TMEM272: variants seen among roughly 807,000 people sequenced by gnomAD.
TMEM272 encodes transmembrane protein 272, also known as long intergenic non-protein coding RNA 282.
Under a neutral mutation model 3.7 loss-of-function variants are expected in TMEM272, and 8 were observed. The observed-to-expected ratio is 2.17, with a 90% CI of 1.27 to 3.91. TMEM272 has a LOEUF of 3.91. Ranked by LOEUF, TMEM272 falls within the 30% of genes most tolerant of loss-of-function variation. TMEM272 has a pLI of 0.00. For synonymous variants in TMEM272, 63 were observed against 39.8 expected, an observed-to-expected ratio of 1.58 and a Z score of -2.20; for missense variants, 166 against 91.5, an observed-to-expected ratio of 1.81 and a Z score of -3.32.
Position 51,826,637 on chromosome 13 carries a change from A to G in TMEM272, c.59-12T>C, listed in dbSNP as rs1457371071. 7 of 702,436 alleles carry G rather than the reference A, an allele frequency of 1.0e-5. No individual in the cohort carries two copies. Among genetic ancestry groups the G allele is most frequent in the Non-Finnish European group, 1.8e-5 (7 of 384,996 alleles). 43.5% of individuals were successfully genotyped at this position (702,436 alleles called of 1,614,324 possible). On this transcript the variant is annotated splice_polypyrimidine_tract_variant and intron_variant, in intron 2 of 4. Coordinates refer to ENST00000629372, the MANE Select transcript of TMEM272 (RefSeq NM_001351003.2). Reference sequence around the variant, plus strand: ...AACAACGAAGCAGGCTGCAAGGAGAAGAAGGGGCAGGCACTGGGTTAGAAA... The same window carrying G: ...AACAACGAAGCAGGCTGCAAGGAGAGGAAGGGGCAGGCACTGGGTTAGAAA...
chr13:51,890,128 T>C, the TMEM272 span, among the ~76,000 whole-genome samples: 1 of 152,166 alleles, frequency 6.6e-6, no homozygotes, highest in African/African-American at 2.4e-5. Context: ...AGTCCTCATC[T>C]TTGAGCACTC....
At chr13:51,852,676 G>T in the TMEM272 span, among the ~76,000 whole-genome samples, 1 of 152,044 alleles carries the variant, frequency 6.6e-6, no homozygotes. Flanking sequence ...TCAAGAGATC[G>T]AGACCATCCT....
intron 1 of TMEM272, among the ~76,000 whole-genome samples, chr13:51,842,130 A>G (rs1672947989): frequency 2.6e-5 from 4 of 152,244 alleles, no homozygotes; most frequent in Admixed American, 2.0e-4. Flanking sequence ...CATAAACACT[A>G]AACCACTGTG....
At chr13:51,821,252 G>C (rs905738563) in intron 4 of TMEM272, among the ~76,000 whole-genome samples, 4 of 152,122 alleles carry the variant, frequency 2.6e-5, no homozygotes, top group African/African-American at 9.7e-5. Context: ...GTGTTTTCTG[G>C]CTTTGATATA....
At chr13:51,869,353 G>A in the TMEM272 span, among the ~76,000 whole-genome samples, 1 of 152,106 alleles carries the variant, frequency 6.6e-6, no homozygotes, top group African/African-American at 2.4e-5. Flanking sequence ...ATTAGACGTC[G>A]TGCTATCAAG....
rs187526267 is a variant in TMEM272 at position 51,816,967 on chromosome 13, G to T, written c.348C>A (p.Phe116Leu). ...AGTAGTTTCCCAGGATGAACCAGAG[G>T]AAGAGGAAGAGGCTCAGCAGGAGGT... Reference protein sequence around the residue: ...YIHLLLSLFLFLWFILGNYWV... With the variant: ...YIHLLLSLFLLLWFILGNYWV... The change falls in exon 5 of 5, where the codon TTC becomes TTA. Residue 116 changes from phenylalanine to leucine, a missense_variant. Transcript: ENST00000629372. 16 of 703,052 alleles carry T rather than the reference G, an allele frequency of 2.3e-5. No homozygotes were observed. The East Asian group carries it at 4.3e-4, about 19-fold the overall frequency. 43.6% of individuals were successfully genotyped at this position (703,052 alleles called of 1,614,324 possible).
chr13:51,902,824 A>G, the TMEM272 span, among the ~76,000 whole-genome samples: 1 of 152,264 alleles, frequency 6.6e-6, no homozygotes, highest in Admixed American at 6.5e-5. Context: ...GTTTTGGAGT[A>G]ATTTATTTTG....
chr13:51,904,330 G>A, the TMEM272 span, among the ~76,000 whole-genome samples: 26,125 of 152,014 alleles, frequency 0.17, 2,424 homozygotes, highest in Middle Eastern at 0.25. Context: ...TGGGCTAAAG[G>A]CAGATGACTG....
At chr13:51,921,968 G>A in the TMEM272 span, among the ~76,000 whole-genome samples, 3 of 152,152 alleles carry the variant, frequency 2.0e-5, no homozygotes, top group Non-Finnish European at 4.4e-5. Flanking sequence ...GCCTGATCAT[G>A]CAATCTCTCC....
chr13:51,839,432 T>C (rs1470982047), intron 1 of TMEM272, among the ~76,000 whole-genome samples: 1 of 151,930 alleles, frequency 6.6e-6, no homozygotes, highest in Non-Finnish European at 1.5e-5. Context: ...GAGTAAGGCC[T>C]CCATGGGGGC....
chr13:51,850,350 G>T, the TMEM272 span, among the ~76,000 whole-genome samples: 2 of 152,048 alleles, frequency 1.3e-5, no homozygotes, highest in Non-Finnish European at 2.9e-5. Flanking sequence ...ACAAAACGGT[G>T]AATGCTATCC....
At chr13:51,909,023 A>C in the TMEM272 span, 1 of 1,472,600 alleles carries the variant, frequency 6.8e-7, no homozygotes, top group South Asian at 1.1e-5. Context: ...AAGTCGGAAG[A>C]TAGAGAAAAG....
the TMEM272 span, among the ~76,000 whole-genome samples, chr13:51,890,704 C>T: frequency 6.6e-6 from 1 of 152,328 alleles, no homozygotes; most frequent in Non-Finnish European, 1.5e-5. Flanking sequence ...AGCTCCTGCA[C>T]TAGGACCCAA....
At chr13:51,920,164 GCTGCTGCCTGTATTTTGC>G in the TMEM272 span, among the ~76,000 whole-genome samples, 1 of 62,672 alleles carries the variant, frequency 1.6e-5, no homozygotes, top group African/African-American at 8.0e-5. Flanking sequence ...AAAGATGTGA[GCTGCTGCCTGTATTTTGC>G]GCTGCTGCCT....
At chr13:51,909,292 G>A in the TMEM272 span, 1 of 996,686 alleles carries the variant, frequency 1.0e-6, no homozygotes. Flanking sequence ...TGATAAAAAA[G>A]AATAGTTCTC....
At chr13:51,916,577 T>C in the TMEM272 span, among the ~76,000 whole-genome samples, 4 of 152,194 alleles carry the variant, frequency 2.6e-5, no homozygotes, top group African/African-American at 9.6e-5. Context: ...TGGCTTGGAT[T>C]TGGCCCTTCC....
the TMEM272 span, among the ~76,000 whole-genome samples, chr13:51,884,040 G>C: frequency 6.6e-6 from 1 of 152,176 alleles, no homozygotes; most frequent in Non-Finnish European, 1.5e-5. Context: ...GGAGGGACTA[G>C]GTTTTCAATT....
At chr13:51,931,899 G>A in the TMEM272 span, among the ~76,000 whole-genome samples, 1 of 152,138 alleles carries the variant, frequency 6.6e-6, no homozygotes, top group Non-Finnish European at 1.5e-5. Context: ...GTACCAAGAC[G>A]TGGATATGGG....
rs1956019877 is a variant in TMEM272, at chr13:51,815,984, A to G, written c.*767T>C. 6.6e-6 allele frequency: 1 copy of G among 152,422 alleles called. No homozygotes were observed. The highest frequency in any genetic ancestry group is 2.4e-5 in the African/African-American group (1 of 41,478). 9.4% of individuals were successfully genotyped at this position (152,422 alleles called of 1,614,324 possible). A position where few individuals can be genotyped will look rare whatever the true frequency, so the allele number is the denominator to read the frequency against. On this transcript the variant is annotated 3_prime_UTR_variant, in exon 5 of 5. Coordinates refer to ENST00000629372, the MANE Select transcript of TMEM272 (RefSeq NM_001351003.2). Reference sequence around the variant, plus strand: ...TATGCCACCCAGCCAGCCGCAGATCATAGAGAGGTACTTGAATAGCCAGAG... The same window carrying G: ...TATGCCACCCAGCCAGCCGCAGATCGTAGAGAGGTACTTGAATAGCCAGAG...
Sources: allele counts gnomAD v4.1 joint callset (sites outside exome capture counted in the v4.1 genomes callset), GRCh38; gene constraint gnomAD v4.1.1; transcripts MANE v1.5; gene names NCBI Gene and HGNC (gene_info 2026-07-23, HGNC 2026-07-21).